Variants in EBAG9 observed in about 807,000 individuals in gnomAD.
EBAG9 encodes the protein estrogen receptor binding site associated antigen 9, also known as receptor-binding cancer antigen expressed on SiSo cells.
EBAG9 carries 16 observed loss-of-function variants against 30.9 expected under a neutral mutation model. That is an observed-to-expected ratio of 0.52 (90% CI 0.35 to 0.79). The LOEUF (loss-of-function observed/expected upper bound fraction) is 0.79, where lower values mean the gene tolerates loss of function less well. EBAG9 is among the 30% of genes least tolerant of loss of function. The pLI, the probability that EBAG9 is intolerant of heterozygous loss-of-function variation, is 0.01. For synonymous variants in EBAG9, 93 were observed against 82.8 expected (o/e 1.12, Z -0.67); for missense variants, 197 against 242.1 (o/e 0.81, Z 1.24).
intron 4 of EBAG9, 115 bp from the exon 5 acceptor site, chr8:109,556,816 TTTTA>T (rs778083347): frequency 1.8e-4 from 85 of 482,004 alleles, no homozygotes; most frequent in Non-Finnish European, 2.8e-4. Flanking sequence ...TTTTTTTAGT[TTTTA>T]CATTATAAAT....
At chr8:109,540,023 G>C (rs59326650), upstream of EBAG9, 3 of 152,584 alleles carry the variant, frequency 2.0e-5, no homozygotes, top group African/African-American at 4.8e-5. Context: ...CTTCGCCGTC[G>C]GCCCTCCGCC....
In EBAG9 at chr8:109,564,794, A is replaced by G. The variant is rs1387135673; in HGVS notation, c.*235A>G. On this transcript the variant is annotated 3_prime_UTR_variant, in exon 7 of 7. Coordinates refer to ENST00000337573, the MANE Select transcript of EBAG9 (RefSeq NM_004215.5). The stretch of plus-strand genomic sequence containing the variant: ...TTCTTCAACATGCTCCAAATATAAG[A>G]CATTTGTTTGCTGTACAGAAAGTAT... 6.1e-5 allele frequency: 24 copies of G among 394,282 alleles called. No homozygotes were observed. The East Asian group carries it at 7.4e-4, about 12-fold the overall frequency. The allele number at this position is 394,282 out of a possible 1,614,324, so 24.4% of individuals were successfully genotyped here.
rs890506068 is a variant in EBAG9, at chr8:109,564,983, C to T, written c.*424C>T. On this transcript the variant is annotated 3_prime_UTR_variant, in exon 7 of 7. Coordinates refer to ENST00000337573, the MANE Select transcript of EBAG9 (RefSeq NM_004215.5). ...TAATATTCTTTTGTTTCCATGGTTA[C>T]CTGACCTAAATTAGATAAATTGTAG... 6.6e-6 allele frequency: 1 copy of T among 152,454 alleles called. No individual in the cohort carries two copies. Among genetic ancestry groups the T allele is most frequent in the Non-Finnish European group, 1.5e-5 (1 of 68,044 alleles). The allele number at this position is 152,454 out of a possible 1,614,324, so 9.4% of individuals were successfully genotyped here.
chr8:109,553,747 A>G, intron 2 of EBAG9, 118 bp from the exon 3 acceptor site: 2 of 747,352 alleles, frequency 2.7e-6, no homozygotes, highest in East Asian at 3.0e-5. Context: ...ACTAAAATCA[A>G]TAATCATAAA....
chr8:109,565,490 T>C lies in EBAG9; in HGVS notation c.*931T>C, dbSNP rs1821809163. 1 of 152,088 alleles carries C rather than the reference T, an allele frequency of 6.6e-6. No individual in the cohort carries two copies. 9.4% of individuals were successfully genotyped at this position (152,088 alleles called of 1,614,324 possible). On this transcript the variant is annotated 3_prime_UTR_variant, in exon 7 of 7. Coordinates refer to ENST00000337573, the MANE Select transcript of EBAG9 (RefSeq NM_004215.5). Reference sequence around the variant, plus strand: ...TATGTAGGTTACCTGTGTTCTTGGCTAGGAAAACATTATTGATTCATTAAA... The same window carrying C: ...TATGTAGGTTACCTGTGTTCTTGGCCAGGAAAACATTATTGATTCATTAAA...
chr8:109,543,313 T>C (rs1314062198), intron 1 of EBAG9, among the ~76,000 whole-genome samples: 1 of 152,054 alleles, frequency 6.6e-6, no homozygotes, highest in African/African-American at 2.4e-5. Context: ...GAGCCCTGTC[T>C]TTGTACCTTA....
intron 5 of EBAG9, among the ~76,000 whole-genome samples, chr8:109,559,507 T>C (rs745931648): frequency 1.3e-5 from 2 of 151,880 alleles, no homozygotes; most frequent in Non-Finnish European, 2.9e-5. Context: ...CTTGTCAAAT[T>C]AGTAAAGATA....
intron 6 of EBAG9, among the ~76,000 whole-genome samples, chr8:109,561,774 T>C (rs1464264452): frequency 6.6e-6 from 1 of 152,058 alleles, no homozygotes; most frequent in African/African-American, 2.4e-5. Context: ...TGTATTTTCC[T>C]TTCTTGGCTT....
Position 109,563,467 on chromosome 8 carries a change from A to G in EBAG9, c.522-972A>G, listed in dbSNP as rs368363287. On this transcript the variant is annotated intron_variant, in intron 6 of 6. Transcript: ENST00000337573. ...TCCCACTCCTACCTCCACTCCCTAC[A>G]TTAACCAATCAGTAAAGATAGAGAG... 5 of 1,597,574 alleles carry G rather than the reference A, an allele frequency of 3.1e-6. No homozygotes were observed. The East Asian group carries it at 8.9e-5, about 29-fold the overall frequency.
intron 2 of EBAG9, among the ~76,000 whole-genome samples, chr8:109,551,987 G>A (rs936540039): frequency 6.6e-6 from 1 of 152,178 alleles, no homozygotes; most frequent in Non-Finnish European, 1.5e-5. Context: ...ATTGTTAGGT[G>A]TTTCTGTGGC....
At chr8:109,559,311 C>T (rs1462900209) in intron 5 of EBAG9, among the ~76,000 whole-genome samples, 1 of 151,946 alleles carries the variant, frequency 6.6e-6, no homozygotes, top group African/African-American at 2.4e-5. Context: ...AAAAAGTTAG[C>T]TGGGTGTGGT....
At chr8:109,558,957 T>C (rs574264553) in intron 5 of EBAG9, among the ~76,000 whole-genome samples, 14 of 152,288 alleles carry the variant, frequency 9.2e-5, no homozygotes, top group African/African-American at 3.4e-4. Context: ...GTTTCCCCCT[T>C]TTCCTTTTTA....
At position 109,553,899 on chromosome 8, in the gene EBAG9, A is replaced by G. The variant is rs748399467; in HGVS notation, c.118A>G (p.Ile40Val). 6.2e-6 allele frequency: 10 copies of G among 1,610,010 alleles called. No individual in the cohort carries two copies. Among genetic ancestry groups the G allele is most frequent in the Middle Eastern group, 1.7e-4 (1 of 6,052 alleles). The change falls in exon 3 of 7, where the codon ATA becomes GTA. Residue 40 changes from isoleucine to valine, a missense_variant. Physicochemically the swap from Ile to Val is conservative, Grantham distance 29 (BLOSUM62 3). Coordinates refer to ENST00000337573, the MANE Select transcript of EBAG9 (RefSeq NM_004215.5). ...AGGACGGAAATTAAGTGGAGACCAA[A>G]TAACTTTGCCAACTACAGTTGATTA... is the stretch of plus-strand genomic sequence containing the variant. ...GRGRKLSGDQ[I>V]TLPTTVDYSS...
chr8:109,557,720 T>A, intron 5 of EBAG9: 1 of 455,896 alleles, frequency 2.2e-6, no homozygotes, highest in South Asian at 1.5e-5. Flanking sequence ...GAATTTCTCA[T>A]GAGTTTGCAG....
At chr8:109,564,356 AG>A in intron 6 of EBAG9, 82 bp from the exon 7 acceptor site, 1 of 1,509,498 alleles carries the variant, frequency 6.6e-7, no homozygotes. Context: ...GATAATAAAA[AG>A]GCACTGCTAT....
At chr8:109,551,741 C>T (rs1317171786) in intron 2 of EBAG9, among the ~76,000 whole-genome samples, 2 of 151,882 alleles carry the variant, frequency 1.3e-5, no homozygotes, top group Non-Finnish European at 2.9e-5. Context: ...GAGTACTGCA[C>T]CAAAATTAAT....
intron 4 of EBAG9, 65 bp from the exon 5 acceptor site, chr8:109,556,870 G>A (rs563652595): frequency 2.7e-5 from 20 of 750,596 alleles, no homozygotes; most frequent in Non-Finnish European, 4.0e-5. Context: ...AAATGTTTTG[G>A]TTGTCTATTT....
intron 2 of EBAG9, among the ~76,000 whole-genome samples, chr8:109,553,475 G>T (rs1210383460): frequency 6.6e-6 from 1 of 152,162 alleles, no homozygotes. Flanking sequence ...AACCCCATGT[G>T]TAAAACATAA....
At chr8:109,541,001 A>G (rs150204818) in intron 1 of EBAG9, among the ~76,000 whole-genome samples, 7 of 152,328 alleles carry the variant, frequency 4.6e-5, no homozygotes, top group Middle Eastern at 6.8e-3. Flanking sequence ...AAAAGATATA[A>G]TACATTTGAT....
Sources: allele counts gnomAD v4.1 joint callset (sites outside exome capture counted in the v4.1 genomes callset), GRCh38; gene constraint gnomAD v4.1.1; transcripts MANE v1.5; gene names NCBI Gene and HGNC (gene_info 2026-07-23, HGNC 2026-07-21).